Variants in MALT1 observed in about 807,000 individuals in gnomAD.
The protein encoded by MALT1 is mucosa-associated lymphoid tissue lymphoma translocation protein 1.
In MALT1, 36 loss-of-function variants were observed where a neutral mutation model predicts 85.5. The ratio of observed to expected loss-of-function variants is 0.42; its 90% CI spans 0.32 to 0.56. The LOEUF (loss-of-function observed/expected upper bound fraction) is 0.56, where lower values mean the gene tolerates loss of function less well. Ranked by LOEUF, MALT1 falls within the 20% of genes least tolerant of loss-of-function variation. The pLI, the probability that MALT1 is intolerant of heterozygous loss-of-function variation, is 0.10. For synonymous variants in MALT1, 359 were observed against 361.3 expected, an observed-to-expected ratio of 0.99 and a Z score of 0.07; for missense variants, 716 against 981.6, an observed-to-expected ratio of 0.73 and a Z score of 3.62.
At position 58,744,404 on chromosome 18, in the gene MALT1, A is replaced by T. The variant is rs1568157422; in HGVS notation, c.1820A>T (p.Glu607Val). 1.2e-6 allele frequency: 2 copies of T among 1,611,118 alleles called. No homozygotes were observed. Among genetic ancestry groups the T allele is most frequent in the Non-Finnish European group, 8.5e-7 (1 of 1,178,128 alleles). The change falls in exon 15 of 17, where the codon GAG becomes GTG. Residue 607 changes from glutamate (E) to valine (V), a missense_variant. Transcript: ENST00000649217. The part of the protein sequence containing the change: ...GVQIQLGFAA[E>V]FSNVMIIYTS... Reference sequence around the variant, plus strand: ...CAGATTCAATTAGGATTTGCAGCTGAGTTTTCCAATGTCATGATCATCTAT... The same window carrying T: ...CAGATTCAATTAGGATTTGCAGCTGTGTTTTCCAATGTCATGATCATCTAT...
At chr18:58,744,893 T>C (rs1316773378) in intron 15 of MALT1, among the ~76,000 whole-genome samples, 1 of 151,984 alleles carries the variant, frequency 6.6e-6, no homozygotes, top group Non-Finnish European at 1.5e-5. Context: ...TTCTGCTCTT[T>C]TCAAACATTT....
chr18:58,673,601 T>TG (rs936719528), intron 1 of MALT1, among the ~76,000 whole-genome samples: 20 of 152,262 alleles, frequency 1.3e-4, no homozygotes, highest in African/African-American at 4.8e-4. Flanking sequence ...ATTACAGGCG[T>TG]GCGCCACTAC....
intron 7 of MALT1, 78 bp downstream of exon 7, chr18:58,711,031 A>G (rs1435957288): frequency 1.0e-6 from 1 of 962,076 alleles, no homozygotes; most frequent in African/African-American, 1.7e-5. Context: ...CTTTTAGCCT[A>G]CTGAGTGCAG....
Position 58,692,636 on chromosome 18 carries a change from A to G in MALT1, c.377-3730A>G, listed in dbSNP as rs1474177303. 2.6e-5 allele frequency among the ~76,000 whole-genome samples: 4 copies of G among 152,338 alleles called. No homozygotes were observed. The East Asian group carries it at 7.7e-4, about 29-fold the overall frequency. ...TGAAATTAGGCTGATTAATAACCCT[A>G]CAGTGATCTCTAAGTGTTCAGGTGA... On this transcript the variant is annotated intron_variant, in intron 2 of 16. Transcript: ENST00000649217.
At chr18:58,730,023 TTGA>T in intron 10 of MALT1, among the ~76,000 whole-genome samples, 1 of 152,166 alleles carries the variant, frequency 6.6e-6, no homozygotes, top group Non-Finnish European at 1.5e-5. Context: ...GAAATAACCC[TTGA>T]GGACTGGTTA....
At chr18:58,729,712 T>C (rs866211058) in intron 10 of MALT1, among the ~76,000 whole-genome samples, 3 of 152,196 alleles carry the variant, frequency 2.0e-5, no homozygotes, top group African/African-American at 4.8e-5. Flanking sequence ...GAAAATGTTA[T>C]ACAGGTTGAA....
chr18:58,719,377 GTCTC>G (rs1226947421), intron 9 of MALT1, among the ~76,000 whole-genome samples: 1 of 151,642 alleles, frequency 6.6e-6, no homozygotes, highest in Non-Finnish European at 1.5e-5. Flanking sequence ...CTCCTTGTCT[GTCTC>G]TCTCTGTCCT....
At chr18:58,688,319 C>CACACACACAA (rs1568126686) in intron 2 of MALT1, among the ~76,000 whole-genome samples, 2 of 140,680 alleles carry the variant, frequency 1.4e-5, no homozygotes, top group African/African-American at 5.1e-5. Context: ...CACACACACA[C>CACACACACAA]ACACACACGC....
intron 8 of MALT1, among the ~76,000 whole-genome samples, chr18:58,714,524 A>T (rs78367510): frequency 0.071 from 10,816 of 152,186 alleles, 1,295 homozygotes; most frequent in African/African-American, 0.25. Flanking sequence ...GTCATACAGC[A>T]TATCTGAACT....
At position 58,731,822 on chromosome 18, in the gene MALT1, T is replaced by C. The variant is rs113738608; in HGVS notation, c.1223-1575T>C. Among the ~76,000 whole-genome samples, 1,093 of 152,302 alleles carry C rather than the reference T, an allele frequency of 7.2e-3. 15 individuals carry two copies. The highest frequency in any genetic ancestry group is 0.025 in the African/African-American group (1,041 of 41,570). ...GAGATACATGAATCTCCTGATCTCC[T>C]GCTTAGAGGTCAGGAACTTTGTCCT... On this transcript the variant is annotated intron_variant, in intron 10 of 16. Coordinates refer to ENST00000649217, the MANE Select transcript of MALT1 (RefSeq NM_006785.4).
At chr18:58,746,251 C>T (rs11152092) in intron 16 of MALT1, among the ~76,000 whole-genome samples, 8,152 of 152,236 alleles carry the variant, frequency 0.054, 352 homozygotes, top group East Asian at 0.22. Flanking sequence ...AACTCCTGGC[C>T]TCAAGAATCC....
chr18:58,718,164 G>A (rs1400586091), intron 9 of MALT1, among the ~76,000 whole-genome samples: 1 of 152,178 alleles, frequency 6.6e-6, no homozygotes, highest in Non-Finnish European at 1.5e-5. Flanking sequence ...TGTAGTAGTT[G>A]AGACAGGATT....
At chr18:58,687,628 C>T (rs2054424530) in intron 2 of MALT1, among the ~76,000 whole-genome samples, 1 of 152,062 alleles carries the variant, frequency 6.6e-6, no homozygotes, top group African/African-American at 2.4e-5. Flanking sequence ...TTTTTTGTTT[C>T]ATGGCCTCTG....
chr18:58,711,126 CATG>C lies in MALT1; in HGVS notation c.958+176_958+178del, dbSNP rs1462716114. Among the ~76,000 whole-genome samples, 7 of 152,302 alleles carry C rather than the reference CATG, an allele frequency of 4.6e-5. No individual in the cohort carries two copies. The East Asian group carries it at 9.6e-4, about 21-fold the overall frequency. On this transcript the variant is annotated intron_variant, in intron 7 of 16. Transcript: ENST00000649217. ...CTTTGAAGTTTTATAAATGGACAGA[CATG>C]ATTAAATTGACACAGTATTACAATA...
Position 58,719,614 on chromosome 18 carries a change from A to T in MALT1, c.1019-3434A>T, listed in dbSNP as rs145500717. On this transcript the variant is annotated intron_variant, in intron 9 of 16. Transcript: ENST00000649217. ...CAAAGAAAGTCGTGATACAGCCCAG[A>T]TTCACAGGTGGGGGTGACTGTACTA... 5.2e-3 allele frequency among the ~76,000 whole-genome samples: 794 copies of T among 152,286 alleles called. 4 individuals carry two copies. The highest frequency in any genetic ancestry group is 8.7e-3 in the Non-Finnish European group (590 of 68,024).
rs2055166572 is a variant in MALT1 at position 58,732,647 on chromosome 18, C to T, written c.1223-750C>T. ...GTTCATCCGTTAAATACTTACTAAG[C>T]TCCTGCTCTCTATGCCAGGAACACA... is the stretch of plus-strand genomic sequence containing the variant. On this transcript the variant is annotated intron_variant, in intron 10 of 16. Coordinates refer to ENST00000649217, the MANE Select transcript of MALT1 (RefSeq NM_006785.4). Among the ~76,000 whole-genome samples, 2 of 151,470 alleles carry T rather than the reference C, an allele frequency of 1.3e-5. 1 individual carries two copies. Among genetic ancestry groups the T allele is most frequent in the Admixed American group, 1.3e-4 (2 of 15,184 alleles).
chr18:58,736,570 A>G (rs1407024902), intron 13 of MALT1, among the ~76,000 whole-genome samples: 2 of 152,238 alleles, frequency 1.3e-5, no homozygotes, highest in Non-Finnish European at 2.9e-5. Flanking sequence ...CATTTTAACT[A>G]TTTTAAAACT....
intron 13 of MALT1, among the ~76,000 whole-genome samples, chr18:58,737,095 C>T (rs1195170105): frequency 1.3e-5 from 2 of 152,000 alleles, no homozygotes; most frequent in East Asian, 3.9e-4. Context: ...AATCCCAGCA[C>T]TTTGGGAGGC....
At position 58,671,868 on chromosome 18, in the gene MALT1, C is replaced by T; in HGVS notation, c.209+16C>T. 6.6e-6 allele frequency: 8 copies of T among 1,214,382 alleles called. No homozygotes were observed. The highest frequency in any genetic ancestry group is 8.2e-6 in the Non-Finnish European group (8 of 976,770). The allele number at this position is 1,214,382 out of a possible 1,614,324, so 75.2% of individuals were successfully genotyped here. On this transcript the variant is annotated intron_variant, in intron 1 of 16. Transcript: ENST00000649217. ...TCCGCCTCAGGTGAGCTCAGGGCCG[C>T]GGCAGGCCGGGCGCGCGGGTCGAGC...
Sources: gnomAD v4.1 joint callset for allele counts (sites outside exome capture counted in the v4.1 genomes callset) on GRCh38, gnomAD v4.1.1 for gene constraint, MANE v1.5 for transcripts, NCBI Gene and HGNC (gene_info 2026-07-23, HGNC 2026-07-21) for gene names.